The following TDRD9 variants were observed in gnomAD, a reference collection of about 807,000 sequenced individuals.
The protein encoded by TDRD9 is ATP-dependent RNA helicase TDRD9.
TDRD9 carries 124 observed loss-of-function variants against 172.6 expected under a neutral mutation model. The ratio of observed to expected loss-of-function variants is 0.72; its 90% CI spans 0.62 to 0.83. TDRD9 has a LOEUF of 0.83. Ranked by LOEUF, TDRD9 falls within the 40% of genes least tolerant of loss-of-function variation. The pLI, the probability that TDRD9 is intolerant of heterozygous loss-of-function variation, is 0.00. For synonymous variants in TDRD9, 619 were observed against 617.1 expected, an observed-to-expected ratio of 1.00 and a Z score of -0.05; for missense variants, 1,479 against 1,714.1, an observed-to-expected ratio of 0.86 and a Z score of 2.42.
intron 1 of TDRD9, among the ~76,000 whole-genome samples, chr14:103,949,903 C>G (rs1210776747): frequency 6.6e-6 from 1 of 151,848 alleles, no homozygotes; most frequent in Non-Finnish European, 1.5e-5. Context: ...CTCGAACTCC[C>G]GACCTCAGGT....
At chr14:104,028,445 ATGT>A (rs1242763070) in intron 28 of TDRD9, among the ~76,000 whole-genome samples, 1 of 152,104 alleles carries the variant, frequency 6.6e-6, no homozygotes. Context: ...ATAATTAGTG[ATGT>A]TGATCATTTT....
chr14:104,022,958 T>A (rs2035007936), intron 24 of TDRD9, among the ~76,000 whole-genome samples: 3 of 151,338 alleles, frequency 2.0e-5, no homozygotes, highest in Admixed American at 2.0e-4. Context: ...GGCGGGAGGA[T>A]CACTTGAGGT....
intron 7 of TDRD9, 149 bp from the exon 8 acceptor site, chr14:103,986,068 C>T: frequency 3.1e-6 from 2 of 649,184 alleles, no homozygotes; most frequent in Non-Finnish European, 5.5e-6. Context: ...AGCACGTGTT[C>T]AGACATTGCT....
chr14:104,007,126 C>T (rs1281574801), intron 18 of TDRD9, 34 bp from the exon 19 acceptor site: 2 of 1,601,086 alleles, frequency 1.2e-6, no homozygotes, highest in Non-Finnish European at 1.7e-6. Flanking sequence ...TGAGCCAACA[C>T]ATTATTTTGA....
chr14:103,957,691 T>C (rs1258064138), intron 2 of TDRD9, among the ~76,000 whole-genome samples: 3 of 152,220 alleles, frequency 2.0e-5, no homozygotes, highest in Non-Finnish European at 2.9e-5. Context: ...CTAATACTTC[T>C]GTTTGGAAAG....
intron 1 of TDRD9, among the ~76,000 whole-genome samples, chr14:103,949,919 G>T: frequency 6.7e-6 from 1 of 149,922 alleles, no homozygotes. Flanking sequence ...CAGGTGATCC[G>T]CCCGCCTCGT....
At chr14:103,979,480 G>A (rs1566755731) in intron 7 of TDRD9, among the ~76,000 whole-genome samples, 1 of 152,210 alleles carries the variant, frequency 6.6e-6, no homozygotes, top group South Asian at 2.1e-4. Flanking sequence ...GGTGAGACTG[G>A]AAGAAGGTGG....
At chr14:103,955,583 T>G in intron 1 of TDRD9, 81 bp from the exon 2 acceptor site, 1 of 978,620 alleles carries the variant, frequency 1.0e-6, no homozygotes, top group Non-Finnish European at 1.5e-6. Context: ...TTCCTGTGAC[T>G]TAATGTGAAA....
rs563881544 is a variant in TDRD9 at position 104,027,054 on chromosome 14, T to G, written c.3282+115T>G. The stretch of plus-strand genomic sequence containing the variant: ...AGGCGGACAGTGTTCCTCTTCACCA[T>G]TTGGTTTGCTGTACTTGTGTTAAGA... On this transcript the variant is annotated intron_variant, in intron 28 of 35. Coordinates refer to ENST00000409874, the MANE Select transcript of TDRD9 (RefSeq NM_153046.3). 10 of 1,178,898 alleles carry G rather than the reference T, an allele frequency of 8.5e-6. No homozygotes were observed. The East Asian group carries it at 1.0e-4, about 12-fold the overall frequency. The allele number at this position is 1,178,898 out of a possible 1,614,324, so 73.0% of individuals were successfully genotyped here. A position where few individuals can be genotyped will look rare whatever the true frequency, so the allele number is the denominator to read the frequency against.
chr14:103,955,645 C>G lies in TDRD9; in HGVS notation c.216-19C>G. 6.5e-7 allele frequency: 1 copy of G among 1,535,598 alleles called. No homozygotes were observed. On this transcript the variant is annotated intron_variant, in intron 1 of 35. Transcript: ENST00000409874. ...TGGCTTTTTGGAAATAGTATACTAA[C>G]TTTTACTATTCTTTTCAGGTCACTC...
At chr14:104,042,381 G>C (rs931329335) in intron 34 of TDRD9, among the ~76,000 whole-genome samples, 194 bp downstream of exon 34, 1 of 151,916 alleles carries the variant, frequency 6.6e-6, no homozygotes, top group Admixed American at 6.6e-5. Context: ...CCCTTGTCCT[G>C]TGTGTGTGTG....
At chr14:103,990,385 C>T (rs545423264) in intron 8 of TDRD9, among the ~76,000 whole-genome samples, 5 of 152,328 alleles carry the variant, frequency 3.3e-5, no homozygotes, top group Middle Eastern at 3.4e-3. Flanking sequence ...AGTGACTGTT[C>T]CCAGGCATTG....
intron 24 of TDRD9, 63 bp from the exon 25 acceptor site, chr14:104,024,504 CAT>C (rs2035055132): frequency 2.4e-6 from 2 of 826,856 alleles, no homozygotes; most frequent in Admixed American, 2.4e-5. Context: ...GATAATTTCA[CAT>C]ATGTAAATGT....
In TDRD9 at chr14:103,965,433, T is replaced by G. The variant is rs1329132838; in HGVS notation, c.521T>G (p.Val174Gly). ...CCGCAGTATATCTTGGACCACTACG[T>G]TCAGCGCTCCGCCTACTGCAGCATT... ...QLPQYILDHY[V>G]QRSAYCSIVV... Residue 174 changes from valine (V) to glycine (G), a missense_variant, in exon 4 of 36, where the codon GTT becomes GGT. This residue lies in a region of TDRD9 where 1,413 missense variants were observed against 1,649.1 expected (regional missense o/e 0.86). Coordinates refer to ENST00000409874, the MANE Select transcript of TDRD9 (RefSeq NM_153046.3). 6.4e-7 allele frequency: 1 copy of G among 1,551,470 alleles called. No individual in the cohort carries two copies. The highest frequency in any genetic ancestry group is 2.4e-5 in the East Asian group (1 of 40,926).
At chr14:104,020,690 C>T (rs922773230) in intron 23 of TDRD9, among the ~76,000 whole-genome samples, 2 of 152,102 alleles carry the variant, frequency 1.3e-5, no homozygotes, top group African/African-American at 4.8e-5. Flanking sequence ...CCCTGCTGGG[C>T]GTCTTTCCAA....
At chr14:103,993,486 A>G (rs2152201083) in intron 9 of TDRD9, among the ~76,000 whole-genome samples, 1 of 152,332 alleles carries the variant, frequency 6.6e-6, no homozygotes, top group Middle Eastern at 3.4e-3. Context: ...CACAAGCTAA[A>G]TGCCTTAAAA....
intron 1 of TDRD9, among the ~76,000 whole-genome samples, chr14:103,935,077 T>G (rs2030666219): frequency 6.6e-6 from 1 of 152,204 alleles, no homozygotes; most frequent in Non-Finnish European, 1.5e-5. Flanking sequence ...GCCGACTGAC[T>G]TTGGACTCGG....
intron 20 of TDRD9, among the ~76,000 whole-genome samples, chr14:104,014,095 G>A (rs935078869): frequency 2.6e-5 from 4 of 151,830 alleles, no homozygotes; most frequent in Non-Finnish European, 5.9e-5. Flanking sequence ...TGGGCGTGGT[G>A]GTGGGTACCT....
chr14:103,999,798 C>T (rs1160267368), intron 13 of TDRD9, among the ~76,000 whole-genome samples: 2 of 151,838 alleles, frequency 1.3e-5, no homozygotes, highest in East Asian at 3.8e-4. Context: ...TCCTAACAAC[C>T]CTGTGAGGTA....
Sources: gnomAD v4.1 joint callset for allele counts (sites outside exome capture counted in the v4.1 genomes callset) on GRCh38, gnomAD v4.1.1 for gene constraint, gnomAD v4.1.1 regional missense constraint, MANE v1.5 for transcripts, NCBI Gene and HGNC (gene_info 2026-07-23, HGNC 2026-07-21) for gene names.